Variants in MED13L observed in about 807,000 individuals in gnomAD.
MED13L encodes the protein mediator of RNA polymerase II transcription subunit 13-like.
A neutral mutation model predicts 220.9 loss-of-function variants in MED13L; 7 were observed. The ratio of observed to expected loss-of-function variants is 0.03; its 90% CI spans 0.02 to 0.06. The LOEUF is 0.06. Ranked by LOEUF, MED13L falls within the 10% of genes least tolerant of loss-of-function variation. The probability of loss-of-function intolerance (pLI) is 1.00; values close to 1 mark genes in which losing one functional copy is unlikely to be tolerated. For missense variants in MED13L, 1,965 were observed against 2,760.5 expected (o/e 0.71, Z 6.46); for synonymous variants, 1,011 against 1,015.2 (o/e 1.00, Z 0.08).
intron 2 of MED13L, among the ~76,000 whole-genome samples, chr12:116,200,302 T>C (rs1392456206): frequency 6.6e-6 from 1 of 152,206 alleles, no homozygotes; most frequent in African/African-American, 2.4e-5. Flanking sequence ...CAAAGAACTT[T>C]TGTACTTTGT....
In MED13L at chr12:115,961,320, G is replaced by A. The variant is rs148564746; in HGVS notation, c.6579C>T (p.Pro2193=). 38 of 1,614,026 alleles carry A rather than the reference G, an allele frequency of 2.4e-5. No homozygotes were observed. The highest frequency in any genetic ancestry group is 3.1e-5 in the Non-Finnish European group (37 of 1,180,002). The change falls in exon 31 of 31, where the codon CCC becomes CCT. Residue 2193 remains proline, a synonymous_variant. Coordinates refer to ENST00000281928, the MANE Select transcript of MED13L (RefSeq NM_015335.5). ...ACTGAGTGAGCACCACAAAGTGGAC[G>A]GGAAGGCAGGAAGTACGGTCCTGGG... ...PATQDRTSCL[P]VHFVVLTQLY...
At chr12:116,108,390 A>AGGGGGGGGGGGGGGGGGG (rs35576412) in intron 3 of MED13L, among the ~76,000 whole-genome samples, 1 of 41,248 alleles carries the variant, frequency 2.4e-5, no homozygotes, top group African/African-American at 1.3e-4. Flanking sequence ...TTTAAAAGAA[A>AGGGGGGGGGGGGGGGGGG]GGGGGGGGGG....
intron 5 of MED13L, 98 bp from the exon 6 acceptor site, chr12:116,020,070 T>G (rs1205702676): frequency 3.9e-6 from 4 of 1,026,816 alleles, no homozygotes; most frequent in Non-Finnish European, 5.9e-6. Context: ...ACAGTATCAC[T>G]TAATGTGCAT....
chr12:116,167,203 A>G (rs1879345626), intron 2 of MED13L, among the ~76,000 whole-genome samples: 1 of 152,200 alleles, frequency 6.6e-6, no homozygotes, highest in Admixed American at 6.5e-5. Context: ...AATGTTTTAT[A>G]GAGAAGAATA....
chr12:116,012,756 A>ATCAT, intron 9 of MED13L, 41 bp downstream of exon 9: 1 of 1,366,158 alleles, frequency 7.3e-7, no homozygotes. Flanking sequence ...AAGATGCGCC[A>ATCAT]TCATTCGATC....
At chr12:116,231,179 G>A (rs1449244759) in intron 2 of MED13L, among the ~76,000 whole-genome samples, 6 of 152,148 alleles carry the variant, frequency 3.9e-5, no homozygotes, top group African/African-American at 9.7e-5. Context: ...TGAGGAAAGA[G>A]ATATTCACAC....
At chr12:116,193,810 T>C (rs1277165291) in intron 2 of MED13L, among the ~76,000 whole-genome samples, 1 of 152,124 alleles carries the variant, frequency 6.6e-6, no homozygotes, top group Non-Finnish European at 1.5e-5. Flanking sequence ...AAGAATCACA[T>C]CCAGTCCAAA....
chr12:116,232,079 A>G (rs576062560), intron 2 of MED13L: 2 of 985,232 alleles, frequency 2.0e-6, no homozygotes, highest in South Asian at 9.4e-5. Flanking sequence ...CTGTCAGAAA[A>G]CAGATCCATT....
chr12:116,253,223 G>A (rs1871719679), intron 1 of MED13L, among the ~76,000 whole-genome samples: 1 of 139,596 alleles, frequency 7.2e-6, no homozygotes, highest in Non-Finnish European at 1.5e-5. Flanking sequence ...ACTAAGCCAA[G>A]ATGGCGCCAT....
chr12:116,123,382 A>C (rs1875260720), intron 2 of MED13L, among the ~76,000 whole-genome samples: 1 of 152,222 alleles, frequency 6.6e-6, no homozygotes, highest in South Asian at 2.1e-4. Flanking sequence ...CATGTGATTC[A>C]GTTAGAACAT....
Position 115,996,654 on chromosome 12 carries a change from A to G in MED13L, c.2818T>C (p.Ser940Pro), listed in dbSNP as rs374395763. ...KDFSYVHKVPSFQPFVGSSMF... is the reference protein window; with the variant it reads ...KDFSYVHKVPPFQPFVGSSMF... Reference sequence around the variant, plus strand: ...GAGGATCCCACAAAAGGTTGAAAGGATGGAACTTTGTGCACATATGAAAAG... The same window carrying G: ...GAGGATCCCACAAAAGGTTGAAAGGGTGGAACTTTGTGCACATATGAAAAG... Residue 940 changes from serine (S) to proline (P), a missense_variant, in exon 16 of 31, where the codon TCC becomes CCC. Transcript: ENST00000281928. 10 of 1,613,978 alleles carry G rather than the reference A, an allele frequency of 6.2e-6. No individual in the cohort carries two copies. Among genetic ancestry groups the G allele is most frequent in the Non-Finnish European group, 8.5e-6 (10 of 1,179,966 alleles).
At chr12:116,046,187 C>T (rs975069312) in intron 4 of MED13L, among the ~76,000 whole-genome samples, 3 of 152,044 alleles carry the variant, frequency 2.0e-5, no homozygotes, top group Non-Finnish European at 4.4e-5. Flanking sequence ...ATTTGTGAAA[C>T]TGGAGTTCTG....
intron 14 of MED13L, among the ~76,000 whole-genome samples, chr12:115,999,655 A>C (rs911880560): frequency 6.6e-6 from 1 of 152,140 alleles, no homozygotes; most frequent in Admixed American, 6.5e-5. Flanking sequence ...CCTTTCTTAT[A>C]AGTATCCTAT....
At chr12:116,254,320 C>T (rs1331888027) in intron 1 of MED13L, among the ~76,000 whole-genome samples, 2 of 152,010 alleles carry the variant, frequency 1.3e-5, no homozygotes, top group African/African-American at 2.4e-5. Context: ...AACATCATCA[C>T]GTACGTTTTT....
At chr12:116,032,340 G>A (rs1038792584) in intron 4 of MED13L, among the ~76,000 whole-genome samples, 4 of 152,092 alleles carry the variant, frequency 2.6e-5, no homozygotes, top group Non-Finnish European at 4.4e-5. Context: ...CAACCTGCTA[G>A]TATCACTATT....
At chr12:116,148,469 CATGTCAATGACAAAAGTGTTTTATAT>C in intron 2 of MED13L, 1 of 257,734 alleles carries the variant, frequency 3.9e-6, no homozygotes, top group Middle Eastern at 5.1e-4. Context: ...GAAAAACTTT[CATGTCAATGACAAAAGTGTTTTATAT>C]AGTAACCAGC....
At chr12:116,096,635 A>C (rs1184789457) in intron 4 of MED13L, 34 bp downstream of exon 4, 3 of 1,578,518 alleles carry the variant, frequency 1.9e-6, no homozygotes, top group Non-Finnish European at 2.6e-6. Flanking sequence ...AAGGCCAAAG[A>C]AACCAAAAAG....
At chr12:116,141,019 G>A (rs551662876) in intron 2 of MED13L, among the ~76,000 whole-genome samples, 1 of 152,208 alleles carries the variant, frequency 6.6e-6, no homozygotes, top group Admixed American at 6.5e-5. Flanking sequence ...TTTAAAATCT[G>A]TCTCTAATCG....
chr12:115,965,934 T>C, intron 29 of MED13L, 148 bp downstream of exon 29: 1 of 1,008,264 alleles, frequency 9.9e-7, no homozygotes, highest in Non-Finnish European at 1.5e-6. Flanking sequence ...ACAACTGTAA[T>C]TAAAATTTCC....
Sources: gnomAD v4.1 joint callset for allele counts (sites outside exome capture counted in the v4.1 genomes callset) on GRCh38, gnomAD v4.1.1 for gene constraint, MANE v1.5 for transcripts, NCBI Gene and HGNC (gene_info 2026-07-23, HGNC 2026-07-21) for gene names.